Variants in NEK4 observed in about 807,000 individuals in gnomAD.
The protein encoded by NEK4 is NIMA related kinase 4.
A neutral mutation model predicts 98.4 loss-of-function variants in NEK4; 86 were observed. The ratio of observed to expected loss-of-function variants is 0.87; its 90% CI spans 0.73 to 1.05. NEK4 has a LOEUF of 1.05. Ranked by LOEUF, NEK4 falls within the 50% of genes least tolerant of loss-of-function variation. The pLI is 0.00. For synonymous variants in NEK4, 328 were observed against 342.2 expected, an observed-to-expected ratio of 0.96 and a Z score of 0.46; for missense variants, 898 against 950.3, an observed-to-expected ratio of 0.94 and a Z score of 0.72.
chr3:52,709,700 C>CGAAA lies in NEK4; in HGVS notation c.*2076_*2077insTTTC. ...TGGGTGACAGAGCAAGACCCTGTCT[C>CGAAA]AAAAAAAAAAAAAAAAAAAAAAGAT... On this transcript the variant is annotated 3_prime_UTR_variant, in exon 16 of 16. Transcript: ENST00000233027. 1 of 65,380 alleles carries CGAAA rather than the reference C, an allele frequency of 1.5e-5. No homozygotes were observed. The highest frequency in any genetic ancestry group is 6.0e-5 in the African/African-American group (1 of 16,582). The allele number at this position is 65,380 out of a possible 1,614,324, so 4.0% of individuals were successfully genotyped here. A position where few individuals can be genotyped will look rare whatever the true frequency, so the allele number is the denominator to read the frequency against.
At chr3:52,744,577 G>A (rs906957383) in intron 10 of NEK4, among the ~76,000 whole-genome samples, 2 of 151,628 alleles carry the variant, frequency 1.3e-5, no homozygotes, top group Non-Finnish European at 2.9e-5. Context: ...CCAGCTACTC[G>A]GGAGGCTGAG....
intron 15 of NEK4, among the ~76,000 whole-genome samples, chr3:52,735,954 T>G (rs904965538): frequency 1.3e-5 from 2 of 152,318 alleles, no homozygotes; most frequent in African/African-American, 4.8e-5. Context: ...AATTGGAATC[T>G]AAAGTGATTC....
At position 52,763,231 on chromosome 3, in the gene NEK4, T is replaced by C. The variant is rs765154801; in HGVS notation, c.821+239A>G. ...GAGGGCTCCTGTGTCACATAAAACT[T>C]ATTCAGGTATTAAAGAAATCTACAT... On this transcript the variant is annotated intron_variant, in intron 5 of 15. Coordinates refer to ENST00000233027, the MANE Select transcript of NEK4 (RefSeq NM_003157.6). Among the ~76,000 whole-genome samples the C allele has an allele frequency of 4.0e-4, 61 of 152,208 alleles. 3 individuals carry two copies. Among genetic ancestry groups the C allele is most frequent in the Non-Finnish European group, 2.4e-4 (16 of 68,040 alleles).
intron 10 of NEK4, 41 bp from the exon 11 acceptor site, chr3:52,744,346 C>G (rs372111091): frequency 9.5e-5 from 138 of 1,455,272 alleles, no homozygotes; most frequent in Middle Eastern, 1.7e-4. Flanking sequence ...TTCCTACTTG[C>G]TATTTTTATA....
chr3:52,752,759 G>C (rs1257105359), intron 6 of NEK4, among the ~76,000 whole-genome samples: 1 of 150,450 alleles, frequency 6.6e-6, no homozygotes, highest in Non-Finnish European at 1.5e-5. Flanking sequence ...AATTAGCCAG[G>C]TGTGGTGGTG....
chr3:52,762,490 G>A (rs1280173003), intron 5 of NEK4, among the ~76,000 whole-genome samples: 1 of 152,158 alleles, frequency 6.6e-6, no homozygotes. Context: ...TCTGAGGAAT[G>A]TGACAGTGGT....
chr3:52,731,942 C>T (rs946755799), intron 15 of NEK4, among the ~76,000 whole-genome samples: 2 of 152,306 alleles, frequency 1.3e-5, no homozygotes, highest in Admixed American at 6.5e-5. Flanking sequence ...CGAGATCTGA[C>T]GGTTTTATGA....
intron 4 of NEK4, 76 bp from the exon 5 acceptor site, chr3:52,763,700 ATATT>A: frequency 1.9e-6 from 2 of 1,072,852 alleles, no homozygotes; most frequent in Non-Finnish European, 2.7e-6. Flanking sequence ...AGGTTTCCCA[ATATT>A]TATTTATAGT....
At chr3:52,718,489 A>G (rs971203817) in intron 15 of NEK4, among the ~76,000 whole-genome samples, 6 of 151,912 alleles carry the variant, frequency 3.9e-5, no homozygotes, top group Non-Finnish European at 7.4e-5. Flanking sequence ...AAAAAAAAAA[A>G]AAAGAAATAC....
At chr3:52,765,492 G>C (rs112711672) in intron 4 of NEK4, among the ~76,000 whole-genome samples, 4 of 152,212 alleles carry the variant, frequency 2.6e-5, no homozygotes, top group African/African-American at 9.6e-5. Flanking sequence ...TTCTTAACTA[G>C]TTACTGATTG....
At position 52,728,870 on chromosome 3, in the gene NEK4, T is replaced by C. The variant is rs945864518; in HGVS notation, c.2433+8716A>G. Among the ~76,000 whole-genome samples, 5 of 152,290 alleles carry C rather than the reference T, an allele frequency of 3.3e-5. No homozygotes were observed. The South Asian group carries it at 1.0e-3, about 32-fold the overall frequency. On this transcript the variant is annotated intron_variant, in intron 15 of 15. Transcript: ENST00000233027. Reference sequence around the variant, plus strand: ...GAGTGTCTGTCTTATGTGGTTGAGATAAGGACTGAAATATGCCCTGGTCTC... The same window carrying C: ...GAGTGTCTGTCTTATGTGGTTGAGACAAGGACTGAAATATGCCCTGGTCTC...
Position 52,749,735 on chromosome 3 carries a change from G to A in NEK4, c.1463C>T (p.Ala488Val), listed in dbSNP as rs2097401981. The A allele has an allele frequency of 4.5e-6, 1 of 220,842 alleles. No homozygotes were observed. The highest frequency in any genetic ancestry group is 5.6e-5 in the Admixed American group (1 of 17,828). The allele number at this position is 220,842 out of a possible 1,614,324, so 13.7% of individuals were successfully genotyped here. A position where few individuals can be genotyped will look rare whatever the true frequency, so the allele number is the denominator to read the frequency against. The change falls in exon 8 of 16, where the codon GCC becomes GTC. Residue 488 changes from alanine to valine, a missense_variant. Coordinates refer to ENST00000233027, the MANE Select transcript of NEK4 (RefSeq NM_003157.6). ...LLGSSDSPASASRVAGITGVC... is the reference protein window; with the variant it reads ...LLGSSDSPASVSRVAGITGVC... Reference sequence around the variant, plus strand: ...GCCTGTAATCCCAGCTACTCGGGAGGCTGAGGCTGGAGAATCACTTGAACC... The same window carrying A: ...GCCTGTAATCCCAGCTACTCGGGAGACTGAGGCTGGAGAATCACTTGAACC...
At chr3:52,739,702 T>C in intron 13 of NEK4, 68 bp from the exon 14 acceptor site, 1 of 1,369,768 alleles carries the variant, frequency 7.3e-7, no homozygotes, top group Non-Finnish European at 1.0e-6. Context: ...AAAAATTACG[T>C]GCAAAACGAC....
chr3:52,744,285 T>C lies in NEK4; in HGVS notation c.1848A>G (p.Arg616=). 1 of 1,613,786 alleles carries C rather than the reference T, an allele frequency of 6.2e-7. No homozygotes were observed. The part of the protein sequence containing the change: ...SSSKDRPLSA[R]ERRRLKQSQE... ...GTGACTGCTTTAGTCGCCTCCTCTC[T>C]CTGGCTGATAATGGTCGATCCTTTA... The change falls in exon 11 of 16, where the codon AGA becomes AGG. Residue 616 remains arginine (R), a synonymous_variant. Transcript: ENST00000233027.
chr3:52,727,352 T>C (rs991496162), intron 15 of NEK4, among the ~76,000 whole-genome samples: 6 of 152,156 alleles, frequency 3.9e-5, no homozygotes, highest in Non-Finnish European at 8.8e-5. Flanking sequence ...GGACAGACCA[T>C]ACTATAGACC....
intron 15 of NEK4, among the ~76,000 whole-genome samples, chr3:52,726,042 TAACCA>T (rs1253314871): frequency 6.6e-6 from 1 of 152,044 alleles, no homozygotes; most frequent in African/African-American, 2.4e-5. Flanking sequence ...ACATAAATTG[TAACCA>T]AAGGAGATTA....
intron 15 of NEK4, among the ~76,000 whole-genome samples, chr3:52,729,437 G>A (rs13087538): frequency 0.059 from 8,902 of 152,044 alleles, 354 homozygotes; most frequent in Non-Finnish European, 0.084. Flanking sequence ...GGGCGGGCAC[G>A]GTGGCTCACA....
At chr3:52,770,552 G>A in intron 1 of NEK4, 102 bp downstream of exon 1, 1 of 850,202 alleles carries the variant, frequency 1.2e-6, no homozygotes, top group East Asian at 2.7e-5. Context: ...AACGCCATCC[G>A]AGATGAGCCT....
intron 15 of NEK4, among the ~76,000 whole-genome samples, chr3:52,715,037 G>A (rs985052883): frequency 6.6e-6 from 1 of 152,246 alleles, no homozygotes; most frequent in African/African-American, 2.4e-5. Context: ...CCGGGCAGGA[G>A]GCAGACAGGC....
Sources: gnomAD v4.1 joint callset for allele counts (sites outside exome capture counted in the v4.1 genomes callset) on GRCh38, gnomAD v4.1.1 for gene constraint, MANE v1.5 for transcripts, NCBI Gene and HGNC (gene_info 2026-07-23, HGNC 2026-07-21) for gene names.